The following RELN variants were observed in gnomAD, a reference collection of about 807,000 sequenced individuals.
The protein encoded by RELN is reelin.
RELN carries 108 observed loss-of-function variants against 427.6 expected under a neutral mutation model. That is an observed-to-expected ratio of 0.25 (90% confidence interval 0.22 to 0.30). The LOEUF (loss-of-function observed/expected upper bound fraction) is 0.30. Ranked by LOEUF, RELN falls within the 10% of genes least tolerant of loss-of-function variation. RELN has a pLI of 1.00. For synonymous variants in RELN, 1,524 were observed against 1,513.4 expected, an observed-to-expected ratio of 1.01 and a Z score of -0.16; for missense variants, 3,715 against 4,302.8, an observed-to-expected ratio of 0.86 and a Z score of 3.82.
At chr7:103,646,214 T>C (rs1832794052) in intron 16 of RELN, among the ~76,000 whole-genome samples, 1 of 151,560 alleles carries the variant, frequency 6.6e-6, no homozygotes, top group Non-Finnish European at 1.5e-5. Flanking sequence ...CTCAGGGAAC[T>C]AGAAAAACAA....
chr7:103,500,898 C>T lies in RELN; in HGVS notation c.8514G>A (p.Gln2838=). 6.2e-7 allele frequency: 1 copy of T among 1,614,096 alleles called. No individual in the cohort carries two copies. The highest frequency in any genetic ancestry group is 8.5e-7 in the Non-Finnish European group (1 of 1,179,980). Residue 2838 remains glutamine (Q), a synonymous_variant, in exon 53 of 65, where the codon CAG becomes CAA. Coordinates refer to ENST00000428762, the MANE Select transcript of RELN (RefSeq NM_005045.4). Reference sequence around the variant, plus strand: ...TTGCCCACTGCATGTCTGAGTACTTCTGATAGAACCTAAACCTTACCGGAC... The same window carrying T: ...TTGCCCACTGCATGTCTGAGTACTTTTGATAGAACCTAAACCTTACCGGAC... ...VGNPVRFRFY[Q]KYSDMQWAID... is the part of the protein sequence containing the mutation.
chr7:103,558,321 T>G (rs1214946732), intron 36 of RELN, among the ~76,000 whole-genome samples: 1 of 152,212 alleles, frequency 6.6e-6, no homozygotes, highest in Non-Finnish European at 1.5e-5. Flanking sequence ...GCAAAAATGA[T>G]AGCATTACAT....
intron 3 of RELN, among the ~76,000 whole-genome samples, chr7:103,799,976 C>A (rs1362672835): frequency 6.6e-6 from 1 of 150,780 alleles, no homozygotes. Flanking sequence ...AAGGTACTGA[C>A]GGAACATATC....
chr7:103,773,459 C>T (rs1247698535), intron 4 of RELN, among the ~76,000 whole-genome samples: 1 of 139,102 alleles, frequency 7.2e-6, no homozygotes, highest in Non-Finnish European at 1.6e-5. Flanking sequence ...CGCTCCCTCC[C>T]TCTCTCTCTC....
chr7:103,505,135 C>T (rs1401123478), intron 51 of RELN, among the ~76,000 whole-genome samples: 2 of 152,166 alleles, frequency 1.3e-5, no homozygotes, highest in African/African-American at 4.8e-5. Context: ...GTGCTGTGGG[C>T]ACAGCTTCAG....
At position 103,749,507 on chromosome 7, in the gene RELN, A is replaced by T; in HGVS notation, c.578-3T>A. On this transcript the variant is annotated splice_polypyrimidine_tract_variant and splice_region_variant and intron_variant, in intron 5 of 64. Coordinates refer to ENST00000428762, the MANE Select transcript of RELN (RefSeq NM_005045.4). ...AATGCTGTCACTATGTATTTCAGCT[A>T]AAAGAAAAAGGAAGTATTTAGGAAA... 1 of 1,606,036 alleles carries T rather than the reference A, an allele frequency of 6.2e-7. No individual in the cohort carries two copies. Among genetic ancestry groups the T allele is most frequent in the Non-Finnish European group, 8.5e-7 (1 of 1,172,994 alleles).
intron 3 of RELN, among the ~76,000 whole-genome samples, chr7:103,786,921 A>G (rs987095992): frequency 1.3e-5 from 2 of 152,256 alleles, no homozygotes; most frequent in African/African-American, 4.8e-5. Flanking sequence ...ACCACATCAC[A>G]CTTATTCTAA....
At chr7:103,919,466 T>G (rs1795565584) in intron 1 of RELN, among the ~76,000 whole-genome samples, 1 of 152,120 alleles carries the variant, frequency 6.6e-6, no homozygotes, top group African/African-American at 2.4e-5. Context: ...TTCTTTCTCT[T>G]TCACAGAAAG....
intron 2 of RELN, among the ~76,000 whole-genome samples, chr7:103,893,886 CCAT>C (rs1214517468): frequency 6.6e-6 from 1 of 152,076 alleles, no homozygotes; most frequent in Admixed American, 6.6e-5. Flanking sequence ...AAGTGATTCC[CCAT>C]CATAAGAGCA....
chr7:103,536,624 C>T (rs1447818851), intron 45 of RELN, among the ~76,000 whole-genome samples: 2 of 152,216 alleles, frequency 1.3e-5, no homozygotes, highest in Admixed American at 6.5e-5. Context: ...ATTGTGCTTG[C>T]CTCCTAACAG....
At chr7:103,687,848 A>G (rs1224239727) in intron 10 of RELN, among the ~76,000 whole-genome samples, 1 of 152,096 alleles carries the variant, frequency 6.6e-6, no homozygotes, top group African/African-American at 2.4e-5. Context: ...AAATTATCAA[A>G]ATTAGTTGTT....
At chr7:103,945,400 A>G (rs1205650853) in intron 1 of RELN, among the ~76,000 whole-genome samples, 4 of 152,208 alleles carry the variant, frequency 2.6e-5, no homozygotes, top group Non-Finnish European at 5.9e-5. Context: ...TAATCTGTTA[A>G]GAAAACCAGT....
chr7:103,864,059 CT>C (rs759367687), intron 2 of RELN, among the ~76,000 whole-genome samples: 5 of 152,122 alleles, frequency 3.3e-5, no homozygotes, highest in Non-Finnish European at 7.4e-5. Context: ...TCACATCTTG[CT>C]TTTCAACTTC....
At chr7:103,547,614 C>T (rs2041475) in intron 41 of RELN, among the ~76,000 whole-genome samples, 129,452 of 152,188 alleles carry the variant, frequency 0.85, 55,506 homozygotes, top group African/African-American at 0.96. Flanking sequence ...CCAACTATAT[C>T]AAGCTGCCCC....
At chr7:103,841,567 G>C (rs1465432631) in intron 2 of RELN, among the ~76,000 whole-genome samples, 1 of 152,024 alleles carries the variant, frequency 6.6e-6, no homozygotes, top group Non-Finnish European at 1.5e-5. Context: ...CATTTTCCTT[G>C]ACAAGTCCTC....
chr7:103,918,142 T>C (rs997562505), intron 1 of RELN, among the ~76,000 whole-genome samples: 1 of 152,120 alleles, frequency 6.6e-6, no homozygotes, highest in Admixed American at 6.6e-5. Context: ...CTAAATGGTC[T>C]GAAACATCCA....
chr7:103,619,634 C>T (rs915454254), intron 20 of RELN, among the ~76,000 whole-genome samples: 5 of 152,164 alleles, frequency 3.3e-5, no homozygotes, highest in African/African-American at 1.2e-4. Flanking sequence ...AGAAAATGCG[C>T]GTCAGCTGGA....
chr7:103,801,185 G>A (rs1187367268), intron 3 of RELN, among the ~76,000 whole-genome samples: 2 of 152,236 alleles, frequency 1.3e-5, no homozygotes, highest in African/African-American at 2.4e-5. Context: ...ATTCCTCAAG[G>A]ATCTAGATCT....
intron 1 of RELN, among the ~76,000 whole-genome samples, chr7:103,948,621 T>C (rs2116756514): frequency 6.6e-6 from 1 of 152,090 alleles, no homozygotes; most frequent in African/African-American, 2.4e-5. Flanking sequence ...TGCAGTGAGC[T>C]GAGATCACGC....
Sources: allele counts gnomAD v4.1 joint callset (sites outside exome capture counted in the v4.1 genomes callset), GRCh38; gene constraint gnomAD v4.1.1; transcripts MANE v1.5; gene names NCBI Gene and HGNC (gene_info 2026-07-23, HGNC 2026-07-21).